The following NLRP11 variants were observed in gnomAD, a reference collection of about 807,000 sequenced individuals.
NLRP11 encodes the protein NACHT, LRR and PYD domains-containing protein 11.
Under a neutral mutation model 79.3 loss-of-function variants are expected in NLRP11, and 53 were observed. That is an observed-to-expected ratio of 0.67 (90% CI 0.54 to 0.84). The LOEUF is 0.84. NLRP11 is among the 40% of genes least tolerant of loss of function. The probability of loss-of-function intolerance (pLI) is 0.00; values close to 1 mark genes in which losing one functional copy is unlikely to be tolerated. For missense variants in NLRP11, 1,264 were observed against 1,255.0 expected (o/e 1.01, Z -0.11); for synonymous variants, 518 against 462.6 (o/e 1.12, Z -1.54).
chr19:55,801,502 G>A (rs1461652880), intron 5 of NLRP11, 70 bp downstream of exon 5: 2 of 1,228,470 alleles, frequency 1.6e-6, no homozygotes, highest in African/African-American at 1.5e-5. Context: ...TATTGAAGGG[G>A]CACCTCTATC....
intron 8 of NLRP11, 43 bp from the exon 9 acceptor site, chr19:55,789,020 G>A: frequency 1.2e-6 from 2 of 1,606,966 alleles, no homozygotes; most frequent in South Asian, 2.2e-5. Context: ...AAATCCTTGA[G>A]GAAAAATGGC....
At chr19:55,793,414 C>T (rs143439553) in intron 6 of NLRP11, among the ~76,000 whole-genome samples, 1 of 151,760 alleles carries the variant, frequency 6.6e-6, no homozygotes, top group Non-Finnish European at 1.5e-5. Flanking sequence ...GCTAAAAATA[C>T]AAAAATTAGC....
chr19:55,788,356 G>A (rs796551298), intron 9 of NLRP11, among the ~76,000 whole-genome samples: 14 of 149,178 alleles, frequency 9.4e-5, no homozygotes, highest in African/African-American at 3.4e-4. Context: ...TCTCCCAAGA[G>A]GAAAGACTTT....
rs55953859 is a variant in NLRP11 at position 55,804,182 on chromosome 19, G to T, written c.2004-2443C>A. On this transcript the variant is annotated intron_variant, in intron 4 of 9. Transcript: ENST00000589093. Reference sequence around the variant, plus strand: ...TGTTGGTGGGAGTGTAAATTAATTCGACCATTGCGGAAAGCAGTGTAGTGA... The same window carrying T: ...TGTTGGTGGGAGTGTAAATTAATTCTACCATTGCGGAAAGCAGTGTAGTGA... Among the ~76,000 whole-genome samples, 437 of 152,206 alleles carry T rather than the reference G, an allele frequency of 2.9e-3. 4 individuals carry two copies. Among genetic ancestry groups the T allele is most frequent in the African/African-American group, 0.01 (423 of 41,518 alleles).
chr19:55,806,063 T>G (rs1299469664), intron 4 of NLRP11, among the ~76,000 whole-genome samples: 1 of 152,196 alleles, frequency 6.6e-6, no homozygotes, highest in African/African-American at 2.4e-5. Context: ...ACCCTTTACT[T>G]TACCTTCTAG....
At chr19:55,790,206 A>G (rs559607868) in intron 7 of NLRP11, among the ~76,000 whole-genome samples, 1 of 152,278 alleles carries the variant, frequency 6.6e-6, no homozygotes, top group South Asian at 2.1e-4. Context: ...CTTAGGATTG[A>G]ATTAAAAAAG....
chr19:55,816,103 A>G (rs985132941), intron 2 of NLRP11, among the ~76,000 whole-genome samples: 4 of 152,216 alleles, frequency 2.6e-5, no homozygotes, highest in South Asian at 2.1e-4. Flanking sequence ...TGTCTTCAAT[A>G]TTAGAGGAAT....
intron 4 of NLRP11, among the ~76,000 whole-genome samples, chr19:55,806,672 A>G (rs1279172540): frequency 1.3e-5 from 2 of 152,146 alleles, no homozygotes; most frequent in South Asian, 2.1e-4. Context: ...TGCAAGCTAA[A>G]TTATGGCATC....
chr19:55,810,436 T>C (rs187879556), intron 2 of NLRP11, 98 bp from the exon 3 acceptor site: 10 of 1,112,456 alleles, frequency 9.0e-6, no homozygotes, highest in East Asian at 7.5e-5. Context: ...AGTAAAAATA[T>C]AGTAGAAATT....
At chr19:55,821,587 A>G (rs886354049) in intron 1 of NLRP11, among the ~76,000 whole-genome samples, 1 of 152,038 alleles carries the variant, frequency 6.6e-6, no homozygotes, top group African/African-American at 2.4e-5. Flanking sequence ...TAAACTCACC[A>G]TCTCTTACCT....
upstream of NLRP11, chr19:55,832,100 C>T (rs8107603): frequency 0.19 from 29,160 of 152,006 alleles, 3,630 homozygotes; most frequent in African/African-American, 0.35. Context: ...ATGACCTTCG[C>T]GATGGAGGGG....
chr19:55,790,576 G>C (rs1337163982), intron 7 of NLRP11, among the ~76,000 whole-genome samples: 1 of 152,180 alleles, frequency 6.6e-6, no homozygotes, highest in African/African-American at 2.4e-5. Flanking sequence ...ACCTAGAGGA[G>C]TGCCTGACAC....
At position 55,812,842 on chromosome 19, in the gene NLRP11, C is replaced by G. The variant is rs1980736148; in HGVS notation, c.272-2504G>C. On this transcript the variant is annotated intron_variant, in intron 2 of 9. Coordinates refer to ENST00000589093, the Ensembl canonical transcript of NLRP11. ...TCTTCAGTCCATTTCTCCCTTGTCA[C>G]CTTTTATGATGAGCAAAACCACCAC... Among the ~76,000 whole-genome samples, 3 of 152,154 alleles carry G rather than the reference C, an allele frequency of 2.0e-5. No homozygotes were observed. In the South Asian group the frequency reaches 6.2e-4, roughly 31 times the overall value.
intron 5 of NLRP11, among the ~76,000 whole-genome samples, chr19:55,800,781 G>A (rs1469831338): frequency 1.3e-5 from 2 of 152,108 alleles, no homozygotes. Flanking sequence ...TGAAATACTG[G>A]GTTCTGCAGC....
chr19:55,827,109 C>T (rs1443051494), intron 1 of NLRP11, among the ~76,000 whole-genome samples: 2 of 140,552 alleles, frequency 1.4e-5, no homozygotes, highest in East Asian at 2.2e-4. Flanking sequence ...GAAATAATGC[C>T]GCATACCTAC....
At chr19:55,835,439 G>A (rs912937374), upstream of NLRP11, among the ~76,000 whole-genome samples, 2 of 152,266 alleles carry the variant, frequency 1.3e-5, no homozygotes, top group South Asian at 2.1e-4. Context: ...AGTGGCTCAT[G>A]CCTGTAATCC....
intron 7 of NLRP11, among the ~76,000 whole-genome samples, chr19:55,789,644 T>G (rs768936381): frequency 2.6e-5 from 4 of 152,234 alleles, no homozygotes; most frequent in Non-Finnish European, 4.4e-5. Context: ...ACAAGGAAAC[T>G]GAGGCCAGAA....
intron 5 of NLRP11, 54 bp from the exon 6 acceptor site, chr19:55,796,304 C>A: frequency 1.1e-4 from 137 of 1,202,512 alleles, no homozygotes; most frequent in Non-Finnish European, 1.5e-4. Context: ...GCTATCCCCT[C>A]TTTTAAATTA....
In NLRP11 at chr19:55,802,318, A is replaced by T. The variant is rs191389854; in HGVS notation, c.2004-579T>A. ...GCTGATAAACTGCAAAAGTTTCAGG[A>T]TACAAAAAGAAAAAAATAAAATCAA... On this transcript the variant is annotated intron_variant, in intron 4 of 9. Transcript: ENST00000589093. Among the ~76,000 whole-genome samples the T allele has an allele frequency of 3.2e-3, 481 of 152,128 alleles. 4 individuals carry two copies. Among genetic ancestry groups the T allele is most frequent in the Admixed American group, 0.012 (188 of 15,292 alleles).
Sources: gnomAD v4.1 joint callset for allele counts (sites outside exome capture counted in the v4.1 genomes callset) on GRCh38, gnomAD v4.1.1 for gene constraint, MANE v1.5 for transcripts, NCBI Gene and HGNC (gene_info 2026-07-23, HGNC 2026-07-21) for gene names.